CACNA2D2: variants seen among roughly 807,000 people sequenced by gnomAD.
CACNA2D2 encodes calcium voltage-gated channel auxiliary subunit alpha2delta 2.
A neutral mutation model predicts 166.4 loss-of-function variants in CACNA2D2; 48 were observed. The ratio of observed to expected loss-of-function variants is 0.29; its 90% CI spans 0.23 to 0.37. The LOEUF is 0.37. Ranked by LOEUF, CACNA2D2 falls within the 10% of genes least tolerant of loss-of-function variation. The probability of loss-of-function intolerance (pLI) is 1.00; values close to 1 mark genes in which losing one functional copy is unlikely to be tolerated. For synonymous variants in CACNA2D2, 561 were observed against 573.7 expected, an observed-to-expected ratio of 0.98 and a Z score of 0.32; for missense variants, 1,122 against 1,433.0, an observed-to-expected ratio of 0.78 and a Z score of 3.50.
Position 50,379,446 on chromosome 3 carries a change from C to G in CACNA2D2, c.1138G>C (p.Asp380His). 1 of 1,613,794 alleles carries G rather than the reference C, an allele frequency of 6.2e-7. No homozygotes were observed. The highest frequency in any genetic ancestry group is 8.5e-7 in the Non-Finnish European group (1 of 1,179,952). ...ATGGGGCTCACGTTCTGCAGCTGGT[C>G]AAAGGCATACTCAAAGCCGGCCTTG... ...GYKAGFEYAF[D>H]QLQNSNITRA... The change falls in exon 11 of 38, where the codon GAC (aspartate) becomes CAC (histidine). Residue 380 changes from aspartate to histidine, a missense_variant. By Grantham distance (81) the Asp-to-His change is moderately conservative (BLOSUM62 -1). Transcript: ENST00000424201. The surrounding 1 kb of genome is among the most constrained non-coding windows in gnomAD (Gnocchi z 6.5).
rs769931893 is a variant in CACNA2D2, at chr3:50,365,765, C to G, written c.2915+45G>C. On this transcript the variant is annotated intron_variant, in intron 33 of 37. Transcript: ENST00000424201. The surrounding 1 kb of genome is among the most constrained non-coding windows in gnomAD (Gnocchi z 4.5). ...GCCCTACTTCTCTTCTGAGCCCTCC[C>G]GGCCAGGGAGCACCTTCTCTACCCA... The G allele has an allele frequency of 6.2e-7, 1 of 1,612,064 alleles. No individual in the cohort carries two copies. Among genetic ancestry groups the G allele is most frequent in the Non-Finnish European group, 8.5e-7 (1 of 1,179,330 alleles).
At chr3:50,478,947 T>G (rs150713763) in intron 1 of CACNA2D2, among the ~76,000 whole-genome samples, 60 of 152,350 alleles carry the variant, frequency 3.9e-4, no homozygotes, top group African/African-American at 1.2e-3. Flanking sequence ...TCTTCTAGTA[T>G]GTCTATAGGT....
intron 2 of CACNA2D2, among the ~76,000 whole-genome samples, chr3:50,475,147 T>A (rs1710254235): frequency 6.6e-6 from 1 of 152,060 alleles, no homozygotes; most frequent in Admixed American, 6.6e-5. Context: ...AAGCTAAGCA[T>A]GAGGAAGGGA....
At chr3:50,454,677 CTCTT>C (rs1709269257) in intron 2 of CACNA2D2, among the ~76,000 whole-genome samples, 1 of 152,184 alleles carries the variant, frequency 6.6e-6, no homozygotes, top group African/African-American at 2.4e-5. Flanking sequence ...ATAAAACTCT[CTCTT>C]ATACTCGGTG....
At chr3:50,384,985 G>A (rs1162090319) in intron 5 of CACNA2D2, among the ~76,000 whole-genome samples, 1 of 152,212 alleles carries the variant, frequency 6.6e-6, no homozygotes, top group South Asian at 2.1e-4. Context: ...GTAGCAGTAG[G>A]ACTGAAAGGG....
intron 3 of CACNA2D2, among the ~76,000 whole-genome samples, chr3:50,412,957 C>T (rs1270459772): frequency 6.6e-6 from 1 of 152,298 alleles, no homozygotes; most frequent in East Asian, 1.9e-4. Context: ...ACTGCCAGGG[C>T]CCAGGACTTG....
At position 50,365,493 on chromosome 3, in the gene CACNA2D2, C is replaced by G; in HGVS notation, c.2972-11G>C. 1 of 1,612,830 alleles carries G rather than the reference C, an allele frequency of 6.2e-7. No homozygotes were observed. Among genetic ancestry groups the G allele is most frequent in the Non-Finnish European group, 8.5e-7 (1 of 1,179,720 alleles). On this transcript the variant is annotated splice_polypyrimidine_tract_variant and intron_variant, in intron 34 of 37. Transcript: ENST00000424201. The surrounding 1 kb of genome is among the most constrained non-coding windows in gnomAD (Gnocchi z 4.5). ...CGGCCTCCGCGGGGTCTGCGAGGGCCCAGAGCGCCTCAGCTCCGCCCACAG... is the reference window on the plus strand; with the variant it reads ...CGGCCTCCGCGGGGTCTGCGAGGGCGCAGAGCGCCTCAGCTCCGCCCACAG...
chr3:50,428,815 T>C (rs1707923060), intron 3 of CACNA2D2, among the ~76,000 whole-genome samples: 2 of 152,194 alleles, frequency 1.3e-5, no homozygotes, highest in Non-Finnish European at 2.9e-5. Context: ...TCCCATCTCC[T>C]ATTCCCTTGA....
chr3:50,432,119 G>C (rs1045885363), intron 3 of CACNA2D2, among the ~76,000 whole-genome samples: 1 of 152,208 alleles, frequency 6.6e-6, no homozygotes, highest in African/African-American at 2.4e-5. Flanking sequence ...GTCCAGCAAG[G>C]GGGGTGCAGG....
chr3:50,396,700 A>C (rs575645278), intron 3 of CACNA2D2, among the ~76,000 whole-genome samples: 71 of 129,088 alleles, frequency 5.5e-4, no homozygotes, highest in South Asian at 1.7e-3. Flanking sequence ...CTTGGCCCGG[A>C]GGCTGTGTAA....
chr3:50,461,963 T>A (rs1241154514), intron 2 of CACNA2D2, among the ~76,000 whole-genome samples: 4 of 152,176 alleles, frequency 2.6e-5, no homozygotes, highest in African/African-American at 9.7e-5. Context: ...GGTGGAAGGC[T>A]CTGGGCAGGA....
intron 3 of CACNA2D2, among the ~76,000 whole-genome samples, chr3:50,426,674 C>T (rs974099685): frequency 2.4e-4 from 36 of 152,174 alleles, no homozygotes; most frequent in African/African-American, 8.0e-4. Context: ...CAGGAATGAT[C>T]ACAGCGCTTC....
intron 1 of CACNA2D2, among the ~76,000 whole-genome samples, chr3:50,483,450 TC>T (rs1411464554): frequency 6.6e-6 from 1 of 152,252 alleles, no homozygotes; most frequent in Non-Finnish European, 1.5e-5. Flanking sequence ...TACGGGGCTA[TC>T]CCTTCCCTTT....
At chr3:50,432,295 G>A (rs956957250) in intron 3 of CACNA2D2, among the ~76,000 whole-genome samples, 1 of 152,236 alleles carries the variant, frequency 6.6e-6, no homozygotes, top group African/African-American at 2.4e-5. Flanking sequence ...CATGGAGGGT[G>A]GGTCAGGCGT....
intron 3 of CACNA2D2, among the ~76,000 whole-genome samples, chr3:50,407,979 G>A (rs1706804817): frequency 1.3e-5 from 2 of 152,192 alleles, no homozygotes; most frequent in Admixed American, 6.5e-5. Context: ...TGGTGCGGTA[G>A]GTGTTTGTGC....
intron 1 of CACNA2D2, among the ~76,000 whole-genome samples, chr3:50,478,196 C>G (rs1697883140): frequency 2.0e-5 from 3 of 152,196 alleles, no homozygotes; most frequent in Non-Finnish European, 4.4e-5. Context: ...GCAGGCTGGG[C>G]TAAGAAGGGC....
intron 2 of CACNA2D2, among the ~76,000 whole-genome samples, chr3:50,473,421 G>A (rs1000978351): frequency 2.0e-5 from 3 of 152,248 alleles, no homozygotes; most frequent in Non-Finnish European, 2.9e-5. Context: ...GCCTTTGAGG[G>A]GAAGAAGGCC....
At chr3:50,474,053 T>C (rs1710207718) in intron 2 of CACNA2D2, among the ~76,000 whole-genome samples, 4 of 152,144 alleles carry the variant, frequency 2.6e-5, no homozygotes, top group Admixed American at 2.6e-4. Context: ...CAGGCTCATC[T>C]TGTCCACCCT....
At chr3:50,386,801 G>C (rs1035719265) in intron 5 of CACNA2D2, among the ~76,000 whole-genome samples, 6 of 152,216 alleles carry the variant, frequency 3.9e-5, no homozygotes, top group Non-Finnish European at 7.3e-5. Context: ...TCTGTTTACA[G>C]AGGGGACTGT....
Sources: gnomAD v4.1 joint callset for allele counts (sites outside exome capture counted in the v4.1 genomes callset) on GRCh38, gnomAD v4.1.1 for gene constraint, Gnocchi (gnomAD v3.1) non-coding constraint, MANE v1.5 for transcripts, NCBI Gene and HGNC (gene_info 2026-07-23, HGNC 2026-07-21) for gene names.